NDUFAF6: variants seen among roughly 807,000 people sequenced by gnomAD.
NDUFAF6 encodes NADH dehydrogenase (ubiquinone) complex I, assembly factor 6.
Under a neutral mutation model 40.8 loss-of-function variants are expected in NDUFAF6, and 45 were observed. The ratio of observed to expected loss-of-function variants is 1.10; its 90% CI spans 0.87 to 1.42. The LOEUF (loss-of-function observed/expected upper bound fraction) is 1.42, where lower values mean the gene tolerates loss of function less well. NDUFAF6 is among the 40% of genes most tolerant of loss of function. The probability of loss-of-function intolerance (pLI) is 0.00; values close to 1 mark genes in which losing one functional copy is unlikely to be tolerated. For missense variants in NDUFAF6, 435 were observed against 418.5 expected (o/e 1.04, Z -0.34); for synonymous variants, 185 against 155.9 (o/e 1.19, Z -1.39).
intron 1 of NDUFAF6, among the ~76,000 whole-genome samples, chr8:94,916,769 C>T (rs1457393732): frequency 2.1e-5 from 3 of 145,144 alleles, no homozygotes; most frequent in South Asian, 2.2e-4. Context: ...GCCGAGATCA[C>T]GCCACTGCTC....
chr8:94,911,600 A>G (rs1818783476), intron 1 of NDUFAF6, among the ~76,000 whole-genome samples: 1 of 152,230 alleles, frequency 6.6e-6, no homozygotes, highest in Non-Finnish European at 1.5e-5. Context: ...TAATCCTTTT[A>G]GAGACAAAGT....
chr8:94,938,361 G>T (rs1470728371), intron 1 of NDUFAF6, among the ~76,000 whole-genome samples: 2 of 152,200 alleles, frequency 1.3e-5, no homozygotes, highest in Non-Finnish European at 2.9e-5. Context: ...ACTGAGGCTG[G>T]ACTGTGATAC....
intron 7 of NDUFAF6, among the ~76,000 whole-genome samples, chr8:95,051,425 T>A (rs1447004293): frequency 6.6e-6 from 1 of 152,146 alleles, no homozygotes; most frequent in African/African-American, 2.4e-5. Flanking sequence ...TGGATGATCA[T>A]AGAGTAATTT....
chr8:95,076,183 A>T (rs1833013749), downstream of NDUFAF6: 1 of 153,992 alleles, frequency 6.5e-6, no homozygotes, highest in Non-Finnish European at 1.4e-5. Flanking sequence ...ATTAATAAAA[A>T]TTGCGTATCT....
intron 3 of NDUFAF6, 56 bp from the exon 4 acceptor site, chr8:95,041,514 C>A (rs1037877972): frequency 3.3e-6 from 4 of 1,230,132 alleles, no homozygotes; most frequent in South Asian, 1.2e-5. Context: ...TTATTCAGAT[C>A]TACAGAAGTC....
intron 7 of NDUFAF6, 64 bp from the exon 8 acceptor site, chr8:95,052,110 C>T (rs1587158876): frequency 1.3e-6 from 2 of 1,494,190 alleles, no homozygotes; most frequent in Admixed American, 1.7e-5. Flanking sequence ...GCTGGTGTTG[C>T]TTTCAGAGGG....
At chr8:95,094,384 TTCTTTTCTTTTCTTTC>T (rs1809372181) in intron 2 of NDUFAF6, among the ~76,000 whole-genome samples, 1 of 28,786 alleles carries the variant, frequency 3.5e-5, no homozygotes, top group Non-Finnish European at 5.8e-5. Context: ...CTTTCCTTCT[TTCTTTTCTTTTCTTTC>T]TTTTTTTTTT....
intron 2 of NDUFAF6, among the ~76,000 whole-genome samples, chr8:94,999,036 G>A (rs115841034): frequency 6.6e-6 from 1 of 151,668 alleles, no homozygotes; most frequent in Non-Finnish European, 1.5e-5. Flanking sequence ...ATGTGTGTTC[G>A]TGTGTGTGTA....
At chr8:95,083,603 A>G (rs1808946321) in intron 2 of NDUFAF6, among the ~76,000 whole-genome samples, 1 of 152,246 alleles carries the variant, frequency 6.6e-6, no homozygotes, top group African/African-American at 2.4e-5. Context: ...GATTAAAAAG[A>G]AAGTCAATTT....
chr8:95,074,883 T>A (rs1832985056), intron 9 of NDUFAF6, among the ~76,000 whole-genome samples: 1 of 152,222 alleles, frequency 6.6e-6, no homozygotes, highest in African/African-American at 2.4e-5. Context: ...GGCCTCATGT[T>A]ATGATTAGGC....
chr8:95,078,662 A>AAATATATATATATATATAT (rs545018367), downstream of NDUFAF6: 1 of 121,042 alleles, frequency 8.3e-6, no homozygotes. Flanking sequence ...AAAAAAAAAA[A>AAATATATATATATATATAT]ATATATATAT....
rs571550836 is a variant in NDUFAF6 at position 95,034,425 on chromosome 8, A to AT, written c.298-1023dup. ...ATGACCCAGTAAGGTCTTTTATGGC[A>AT]TTTTTTCCCCCTTCTGTATGGGATC... On this transcript the variant is annotated intron_variant, in intron 2 of 8. Coordinates refer to ENST00000396124, the MANE Select transcript of NDUFAF6 (RefSeq NM_152416.4). Among the ~76,000 whole-genome samples the AT allele has an allele frequency of 3.9e-5, 6 of 151,946 alleles. No individual in the cohort carries two copies. In the South Asian group the frequency reaches 6.2e-4, roughly 16 times the overall value.
rs980249788 is a variant in NDUFAF6, at chr8:95,075,550, T to G, written c.*512-83T>G. The G allele has an allele frequency of 2.1e-5, 24 of 1,163,920 alleles. No homozygotes were observed. In the East Asian group the frequency reaches 2.3e-4, roughly 11 times the overall value. The allele number at this position is 1,163,920 out of a possible 1,614,324, so 72.1% of individuals were successfully genotyped here. A position where few individuals can be genotyped will look rare whatever the true frequency, so the allele number is the denominator to read the frequency against. On this transcript the variant is annotated intron_variant and NMD_transcript_variant, in intron 9 of 9. Transcript: ENST00000520757. ...GATTTTATCCTCCCCAGGCCAACCA[T>G]AAGCATCTCTCGGGGCATGGGAATG...
chr8:95,107,628 TA>T (rs375744961), downstream of NDUFAF6, among the ~76,000 whole-genome samples: 19 of 147,928 alleles, frequency 1.3e-4, no homozygotes, highest in African/African-American at 2.5e-4. Flanking sequence ...TAAAGTGTAA[TA>T]AAAAAAAAAG....
intron 1 of NDUFAF6, among the ~76,000 whole-genome samples, chr8:94,943,478 C>T (rs756602301): frequency 1.3e-5 from 2 of 152,076 alleles, no homozygotes; most frequent in Non-Finnish European, 2.9e-5. Flanking sequence ...CACAGCGAGA[C>T]CTTGTCTCAA....
intron 1 of NDUFAF6, among the ~76,000 whole-genome samples, chr8:94,931,579 A>T (rs552787151): frequency 1.8e-4 from 18 of 102,072 alleles, no homozygotes; most frequent in African/African-American, 7.3e-4. Context: ...GGAAACACAC[A>T]TATTTATTAC....
rs557508537 is a variant in NDUFAF6, at chr8:94,990,400, T to C, written c.-84+9427T>C. ...TGAGTTTGGGACCAAATTGACATCA[T>C]GGCAAACAAGTGCCATTTACATCCG... is the stretch of plus-strand genomic sequence containing the variant. On this transcript the variant is annotated intron_variant, in intron 2 of 9. Transcript: ENST00000396111. Among the ~76,000 whole-genome samples the C allele has an allele frequency of 4.1e-4, 63 of 152,336 alleles. No homozygotes were observed. In the East Asian group the frequency reaches 0.01, roughly 25 times the overall value.
intron 7 of NDUFAF6, among the ~76,000 whole-genome samples, chr8:95,050,859 C>T (rs995682414): frequency 6.6e-6 from 1 of 152,108 alleles, no homozygotes; most frequent in African/African-American, 2.4e-5. Context: ...CGTAACAAGG[C>T]TTGATAACTA....
intron 1 of NDUFAF6, among the ~76,000 whole-genome samples, chr8:94,914,951 T>C (rs1247815773): frequency 1.3e-5 from 2 of 152,206 alleles, no homozygotes; most frequent in Admixed American, 1.3e-4. Flanking sequence ...ATCGGGTACA[T>C]GTGCAGGTTT....
Sources: allele counts gnomAD v4.1 joint callset (sites outside exome capture counted in the v4.1 genomes callset), GRCh38; gene constraint gnomAD v4.1.1; transcripts MANE v1.5; gene names NCBI Gene and HGNC (gene_info 2026-07-23, HGNC 2026-07-21).